The following AGAP1 variants were observed in gnomAD, a reference collection of about 807,000 sequenced individuals.
AGAP1 encodes the protein ArfGAP with GTPase domain, ankyrin repeat and PH domain 1.
Under a neutral mutation model 105.3 loss-of-function variants are expected in AGAP1, and 29 were observed. That is an observed-to-expected ratio of 0.28 (90% CI 0.21 to 0.38). The LOEUF (loss-of-function observed/expected upper bound fraction) is 0.38. AGAP1 is among the 10% of genes least tolerant of loss of function. The pLI is 1.00. For missense variants in AGAP1, 998 were observed against 1,165.1 expected (o/e 0.86, Z 2.09); for synonymous variants, 509 against 485.9 (o/e 1.05, Z -0.63).
At position 235,889,546 on chromosome 2, in the gene AGAP1, CTT is replaced by C. The variant is rs5839611; in HGVS notation, c.1155+6112_1155+6113del. On this transcript the variant is annotated intron_variant, in intron 10 of 17. Transcript: ENST00000304032. This position sits in a 1 kb window ranked among gnomAD's most constrained non-coding sequence, Gnocchi z 4.6. The stretch of plus-strand genomic sequence containing the variant: ...CGTCATCCCCCAAAAGTGTCTTTGC[CTT>C]TTTTTTTTTTTTTTAGCCCTGAGCC... Among the ~76,000 whole-genome samples, 4,140 of 140,880 alleles carry C rather than the reference CTT, an allele frequency of 0.029. 124 individuals carry two copies. Among genetic ancestry groups the C allele is most frequent in the South Asian group, 0.092 (413 of 4,488 alleles). 92.4% of individuals were successfully genotyped at this position (140,880 alleles called of 152,430 possible).
At chr2:235,572,637 A>AGG (rs1944566918) in intron 1 of AGAP1, among the ~76,000 whole-genome samples, 1 of 152,058 alleles carries the variant, frequency 6.6e-6, no homozygotes, top group Non-Finnish European at 1.5e-5. Flanking sequence ...CCCAGCTAAA[A>AGG]TCTCACCTCT....
chr2:235,566,363 C>A lies in AGAP1; in HGVS notation c.163+71514C>A, dbSNP rs548661229. 6.6e-6 allele frequency among the ~76,000 whole-genome samples: 1 copy of A among 152,284 alleles called. No individual in the cohort carries two copies. The highest frequency in any genetic ancestry group is 1.5e-5 in the Non-Finnish European group (1 of 68,020). ...GGATTACAGATATAAGCCATCACGC[C>A]CGGCCTTGTATTATTTTTCAATGCA... On this transcript the variant is annotated intron_variant, in intron 1 of 17. Coordinates refer to ENST00000304032, the MANE Select transcript of AGAP1 (RefSeq NM_001037131.3). This position sits in a 1 kb window ranked among gnomAD's most constrained non-coding sequence, Gnocchi z 5.2.
chr2:235,575,577 G>C (rs540149230), intron 1 of AGAP1, among the ~76,000 whole-genome samples: 1 of 149,268 alleles, frequency 6.7e-6, no homozygotes, highest in Non-Finnish European at 1.5e-5. Flanking sequence ...TGCCTCCTCC[G>C]TGAGCTGTGC....
chr2:235,604,609 G>A (rs13007490), intron 1 of AGAP1, among the ~76,000 whole-genome samples: 1 of 96,928 alleles, frequency 1.0e-5, no homozygotes, highest in Non-Finnish European at 1.9e-5. Flanking sequence ...TTGAGATGGA[G>A]TCTCGCTCTG....
Position 235,718,125 on chromosome 2 carries a change from A to T in AGAP1, c.310+481A>T, listed in dbSNP as rs543864482. 8.6e-4 allele frequency among the ~76,000 whole-genome samples: 131 copies of T among 152,204 alleles called. 1 individual carries two copies. The highest frequency in any genetic ancestry group is 3.1e-3 in the African/African-American group (128 of 41,530). On this transcript the variant is annotated intron_variant, in intron 3 of 17. Coordinates refer to ENST00000304032, the MANE Select transcript of AGAP1 (RefSeq NM_001037131.3). ...TATAAACATTTAATAATCATTTTGC[A>T]TGAGAGTAAGATTTTTTTTTTTGCC...
rs180790569 is a variant in AGAP1 at position 235,923,629 on chromosome 2, G to A, written c.1325-7136G>A. On this transcript the variant is annotated intron_variant, in intron 11 of 17. Transcript: ENST00000304032. The stretch of plus-strand genomic sequence containing the variant: ...AGTTGGCACTCTCGTGCTTGTCTCC[G>A]GCTCTGTGTTCTGTGTGTGATGTCA... Among the ~76,000 whole-genome samples the A allele has an allele frequency of 5.3e-5, 8 of 150,520 alleles. No homozygotes were observed. The East Asian group carries it at 5.9e-4, about 11-fold the overall frequency.
intron 16 of AGAP1, among the ~76,000 whole-genome samples, chr2:236,102,253 T>C (rs1049321832): frequency 1.3e-5 from 2 of 151,906 alleles, no homozygotes; most frequent in African/African-American, 2.4e-5. Context: ...CTGTTTCTAC[T>C]AAAAATACAA....
intron 1 of AGAP1, among the ~76,000 whole-genome samples, chr2:235,693,954 T>C (rs986899583): frequency 6.6e-6 from 1 of 152,244 alleles, no homozygotes; most frequent in Non-Finnish European, 1.5e-5. Flanking sequence ...AGGAACATTT[T>C]ATAAAAAGTA....
rs1294984835 is a variant in AGAP1, at chr2:235,758,146, A to ATGTG, written c.673+7666_673+7669dup. 5.7e-4 allele frequency among the ~76,000 whole-genome samples: 87 copies of ATGTG among 151,968 alleles called. 1 individual carries two copies. Among genetic ancestry groups the ATGTG allele is most frequent in the African/African-American group, 2.1e-3 (85 of 41,370 alleles). ...AACTAGTGTGTGTGTGCATGCGTGC[A>ATGTG]TGTGTGTGTGTATATGTGTGTTAGC... On this transcript the variant is annotated intron_variant, in intron 6 of 17. Transcript: ENST00000304032.
At chr2:235,518,249 T>C (rs947394172) in intron 1 of AGAP1, among the ~76,000 whole-genome samples, 2 of 152,234 alleles carry the variant, frequency 1.3e-5, no homozygotes, top group African/African-American at 4.8e-5. Context: ...TTACACTGTT[T>C]GATTGATTGG....
At chr2:235,673,438 A>G (rs1464799452) in intron 1 of AGAP1, among the ~76,000 whole-genome samples, 1 of 152,198 alleles carries the variant, frequency 6.6e-6, no homozygotes, top group Non-Finnish European at 1.5e-5. Flanking sequence ...GAAATTTTGG[A>G]TCTGAGGAAG....
intron 8 of AGAP1, among the ~76,000 whole-genome samples, chr2:235,802,410 TTTG>T (rs1957537458): frequency 6.6e-6 from 1 of 152,212 alleles, no homozygotes; most frequent in African/African-American, 2.4e-5. Flanking sequence ...GTGACCAGTG[TTTG>T]TTATCTTTCT....
chr2:235,527,578 G>A (rs968516885), intron 1 of AGAP1, among the ~76,000 whole-genome samples: 1 of 151,988 alleles, frequency 6.6e-6, no homozygotes, highest in African/African-American at 2.4e-5. Flanking sequence ...TTGTAGAGAC[G>A]AGGTCTCGCT....
chr2:235,869,066 AAG>A (rs1228002765), intron 9 of AGAP1, among the ~76,000 whole-genome samples: 2 of 152,208 alleles, frequency 1.3e-5, no homozygotes, highest in African/African-American at 4.8e-5. Context: ...CAAGTAACAT[AAG>A]AAGAATAATT....
chr2:235,915,842 A>AAC (rs2051852194), intron 11 of AGAP1, among the ~76,000 whole-genome samples: 1 of 152,242 alleles, frequency 6.6e-6, no homozygotes, highest in African/African-American at 2.4e-5. Flanking sequence ...AGGATATCTG[A>AAC]AGAGTCAAGT....
chr2:236,088,288 T>C (rs888689794), intron 16 of AGAP1, among the ~76,000 whole-genome samples: 1 of 152,224 alleles, frequency 6.6e-6, no homozygotes, highest in African/African-American at 2.4e-5. Context: ...TCTCCTACAA[T>C]GCTTTGAAAG....
intron 8 of AGAP1, among the ~76,000 whole-genome samples, chr2:235,803,097 GTGA>G (rs202224344): frequency 2.8e-4 from 17 of 61,368 alleles, no homozygotes; most frequent in African/African-American, 3.4e-4. Flanking sequence ...TGTGGTGATG[GTGA>G]TGATGGTTGT....
At chr2:236,018,936 AACC>A in intron 13 of AGAP1, among the ~76,000 whole-genome samples, 1 of 152,308 alleles carries the variant, frequency 6.6e-6, no homozygotes. Flanking sequence ...GGAAACAGCA[AACC>A]TCCTCTTGGA....
chr2:235,783,218 G>A (rs1956386664), intron 6 of AGAP1: 1 of 370,094 alleles, frequency 2.7e-6, no homozygotes, highest in Non-Finnish European at 5.5e-6. Context: ...CTTTCCTAAG[G>A]TAGTTTATAG....
Sources: gnomAD v4.1 joint callset for allele counts (sites outside exome capture counted in the v4.1 genomes callset) on GRCh38, gnomAD v4.1.1 for gene constraint, Gnocchi (gnomAD v3.1) non-coding constraint, MANE v1.5 for transcripts, NCBI Gene and HGNC (gene_info 2026-07-23, HGNC 2026-07-21) for gene names.